The following LGALS8 variants were observed in gnomAD, a reference collection of about 807,000 sequenced individuals.
The protein encoded by LGALS8 is galectin 8.
In LGALS8, 30 loss-of-function variants were observed where a neutral mutation model predicts 35.9. The observed-to-expected ratio is 0.83, with a 90% CI of 0.62 to 1.13. LGALS8 has a LOEUF of 1.13. Among genes scored for constraint, LGALS8 ranks in the 50% most tolerant of loss-of-function variants. The probability of loss-of-function intolerance (pLI) is 0.00; values close to 1 mark genes in which losing one functional copy is unlikely to be tolerated. For synonymous variants in LGALS8, 138 were observed against 136.1 expected (o/e 1.01, Z -0.10); for missense variants, 366 against 388.7 (o/e 0.94, Z 0.49).
At chr1:236,533,599 G>A (rs76486051) in intron 2 of LGALS8, among the ~76,000 whole-genome samples, 3 of 151,414 alleles carry the variant, frequency 2.0e-5, no homozygotes, top group Non-Finnish European at 4.4e-5. Flanking sequence ...CTCCCAAAAT[G>A]CTGGGATTAC....
chr1:236,524,598 C>T (rs1011001004), intron 1 of LGALS8: 3 of 362,568 alleles, frequency 8.3e-6, no homozygotes, highest in East Asian at 7.5e-5. Flanking sequence ...TTTGACCGTA[C>T]GTGAAACTTA....
Position 236,526,249 on chromosome 1 carries a change from G to T in LGALS8, c.45+134G>T. The stretch of plus-strand genomic sequence containing the variant: ...AAAGCACCTACTATGTAATAGAGAT[G>T]GTGGTGGGTGCTGATTACAAAACAG... On this transcript the variant is annotated intron_variant, in intron 2 of 9. Transcript: ENST00000366584. The surrounding 1 kb of genome is among the most constrained non-coding windows in gnomAD (Gnocchi z 4.6). 1 of 593,996 alleles carries T rather than the reference G, an allele frequency of 1.7e-6. No individual in the cohort carries two copies. 36.8% of individuals were successfully genotyped at this position (593,996 alleles called of 1,614,324 possible).
rs761233488 is a variant in LGALS8 at position 236,544,839 on chromosome 1, C to G, written c.728C>G (p.Ser243Cys). ...RLNIKAFVRN[S>C]FLQESWGEEE... ...AATATTAAAGCATTTGTAAGAAATT[C>G]TTTTCTTCAGGAGTCCTGGGGAGAA... The change falls in exon 9 of 10, where the codon TCT becomes TGT. Residue 243 changes from serine (S) to cysteine (C), a missense_variant. By Grantham distance (112) the Ser-to-Cys change is moderately radical. Transcript: ENST00000366584. 1 of 1,613,334 alleles carries G rather than the reference C, an allele frequency of 6.2e-7. No individual in the cohort carries two copies. Among genetic ancestry groups the G allele is most frequent in the Non-Finnish European group, 8.5e-7 (1 of 1,179,418 alleles).
intron 2 of LGALS8, among the ~76,000 whole-genome samples, chr1:236,534,743 G>T (rs761928221): frequency 1.3e-5 from 2 of 152,154 alleles, no homozygotes; most frequent in African/African-American, 2.4e-5. Flanking sequence ...CCTATAAACA[G>T]TTGTGAACAA....
At position 236,550,526 on chromosome 1, in the gene LGALS8, ATG is replaced by A; in HGVS notation, c.*2367_*2368del. 1.1e-5 allele frequency: 2 copies of A among 175,346 alleles called. No individual in the cohort carries two copies. Among genetic ancestry groups the A allele is most frequent in the Non-Finnish European group, 2.4e-5 (2 of 83,918 alleles). The allele number at this position is 175,346 out of a possible 1,614,324, so 10.9% of individuals were successfully genotyped here. A position where few individuals can be genotyped will look rare whatever the true frequency, so the allele number is the denominator to read the frequency against. ...GAAATCTGCAACATGGATACCATGT[ATG>A]TAAGATACTGCTGTACAGAAGAGTT... On this transcript the variant is annotated 3_prime_UTR_variant, in exon 10 of 10. Transcript: ENST00000366584.
chr1:236,546,245 T>C (rs1048838572), intron 9 of LGALS8, among the ~76,000 whole-genome samples: 6 of 152,232 alleles, frequency 3.9e-5, no homozygotes, highest in African/African-American at 1.4e-4. Flanking sequence ...ATGAATGTTA[T>C]ATGCTTTTGA....
chr1:236,538,970 A>C lies in LGALS8; in HGVS notation c.226A>C (p.Ile76Leu). 1 of 1,614,160 alleles carries C rather than the reference A, an allele frequency of 6.2e-7. No individual in the cohort carries two copies. The highest frequency in any genetic ancestry group is 1.1e-5 in the South Asian group (1 of 91,084). Reference protein sequence around the residue: ...FNPRFKRAGCIVCNTLINEKW... With the variant: ...FNPRFKRAGCLVCNTLINEKW... The stretch of plus-strand genomic sequence containing the variant: ...TCCTCGTTTCAAAAGGGCCGGCTGC[A>C]TTGTTTGCAATACTTTGATAAATGA... The change falls in exon 4 of 10, where the codon ATT (isoleucine) becomes CTT (leucine). Residue 76 changes from isoleucine to leucine, a missense_variant. Ile to Leu is a conservative substitution (Grantham distance 5). Transcript: ENST00000366584.
intron 8 of LGALS8, 140 bp downstream of exon 8, chr1:236,543,788 G>A (rs769448403): frequency 2.6e-5 from 18 of 691,304 alleles, no homozygotes; most frequent in Middle Eastern, 3.8e-4. Context: ...CAAGCAGGAG[G>A]TGGTTAGATT....
chr1:236,546,128 C>A (rs1258495437), intron 9 of LGALS8, among the ~76,000 whole-genome samples: 3 of 152,100 alleles, frequency 2.0e-5, no homozygotes, highest in Admixed American at 1.3e-4. Flanking sequence ...GATGAAAATA[C>A]CTCCAACTTC....
intron 5 of LGALS8, 137 bp downstream of exon 5, chr1:236,540,820 G>C: frequency 1.1e-6 from 1 of 894,964 alleles, no homozygotes; most frequent in African/African-American, 1.7e-5. Context: ...TTTTGGAAGT[G>C]AACTGTTCAC....
chr1:236,540,541 C>G lies in LGALS8; in HGVS notation c.346-23C>G, dbSNP rs575624150. 4.7e-6 allele frequency: 7 copies of G among 1,495,582 alleles called. No individual in the cohort carries two copies. The Admixed American group carries it at 1.4e-4, about 30-fold the overall frequency. 92.6% of individuals were successfully genotyped at this position (1,495,582 alleles called of 1,614,324 possible). On this transcript the variant is annotated intron_variant, in intron 4 of 9. Transcript: ENST00000366584. ...TGTTTTTTTTTGGTGGCGGGGGGGG[C>G]TCTGTCTTCTGTATCTCTCTAGGTG...
intron 2 of LGALS8, among the ~76,000 whole-genome samples, chr1:236,534,760 A>C (rs1661365008): frequency 6.6e-6 from 1 of 152,208 alleles, no homozygotes; most frequent in Non-Finnish European, 1.5e-5. Context: ...ACAAGGTATT[A>C]GAAGTGATGG....
chr1:236,528,015 C>T (rs544435523), intron 2 of LGALS8, among the ~76,000 whole-genome samples: 5 of 151,810 alleles, frequency 3.3e-5, no homozygotes, highest in South Asian at 2.1e-4. Flanking sequence ...GGATTACAGG[C>T]GTGAGGCACC....
In LGALS8 at chr1:236,548,338, T is replaced by C. The variant is rs1286337934; in HGVS notation, c.*177T>C. 9.7e-6 allele frequency: 6 copies of C among 615,690 alleles called. No homozygotes were observed. Among genetic ancestry groups the C allele is most frequent in the African/African-American group, 1.9e-5 (1 of 54,006 alleles). The allele number at this position is 615,690 out of a possible 1,614,324, so 38.1% of individuals were successfully genotyped here. On this transcript the variant is annotated 3_prime_UTR_variant, in exon 10 of 10. Coordinates refer to ENST00000366584, the MANE Select transcript of LGALS8 (RefSeq NM_201544.4). ...CATGAAGTATGGTGGTGTCTAGCAC[T>C]GAATGGGGAAACTGGGGGCAGCAAC...
In LGALS8 at chr1:236,526,230, C is replaced by G; in HGVS notation, c.45+115C>G. On this transcript the variant is annotated intron_variant, in intron 2 of 9. Transcript: ENST00000366584. This position sits in a 1 kb window ranked among gnomAD's most constrained non-coding sequence, Gnocchi z 4.6. Reference sequence around the variant, plus strand: ...AAAGCCAGTGAACATATTTAAAGCACCTACTATGTAATAGAGATGGTGGTG... The same window carrying G: ...AAAGCCAGTGAACATATTTAAAGCAGCTACTATGTAATAGAGATGGTGGTG... 1 of 726,150 alleles carries G rather than the reference C, an allele frequency of 1.4e-6. No homozygotes were observed. The highest frequency in any genetic ancestry group is 2.3e-6 in the Non-Finnish European group (1 of 428,786). 45.0% of individuals were successfully genotyped at this position (726,150 alleles called of 1,614,324 possible).
chr1:236,551,165 C>T lies in LGALS8; in HGVS notation c.*3004C>T, dbSNP rs544814499. On this transcript the variant is annotated 3_prime_UTR_variant, in exon 10 of 10. Coordinates refer to ENST00000366584, the MANE Select transcript of LGALS8 (RefSeq NM_201544.4). Reference sequence around the variant, plus strand: ...ACGGACCGCCTCCCTCCACACCGCTCCTTCCGCCTTCATTCCTTGCCCACA... The same window carrying T: ...ACGGACCGCCTCCCTCCACACCGCTTCTTCCGCCTTCATTCCTTGCCCACA... The T allele has an allele frequency of 3.6e-6, 2 of 562,428 alleles. No homozygotes were observed. The highest frequency in any genetic ancestry group is 5.9e-5 in the East Asian group (2 of 33,746). The allele number at this position is 562,428 out of a possible 1,614,324, so 34.8% of individuals were successfully genotyped here.
intron 7 of LGALS8, 94 bp downstream of exon 7, chr1:236,542,881 T>C (rs192569896): frequency 1.9e-4 from 312 of 1,614,160 alleles, no homozygotes; most frequent in Admixed American, 1.3e-3. Flanking sequence ...GCTTCATTCA[T>C]TCCATTCCTT....
chr1:236,538,846 A>G (rs763119987), intron 3 of LGALS8, 33 bp from the exon 4 acceptor site: 1 of 1,538,712 alleles, frequency 6.5e-7, no homozygotes, highest in East Asian at 2.2e-5. Flanking sequence ...CTTTCTGAGC[A>G]CTCATGGGGC....
At chr1:236,543,310 TCATACAGAGGG>T in intron 7 of LGALS8, 1 of 652,252 alleles carries the variant, frequency 1.5e-6, no homozygotes, top group Admixed American at 2.2e-5. Context: ...CGTGTTTCAC[TCATACAGAGGG>T]CATCGGGTCC....
Sources: gnomAD v4.1 joint callset for allele counts (sites outside exome capture counted in the v4.1 genomes callset) on GRCh38, gnomAD v4.1.1 for gene constraint, Gnocchi (gnomAD v3.1) non-coding constraint, MANE v1.5 for transcripts, NCBI Gene and HGNC (gene_info 2026-07-23, HGNC 2026-07-21) for gene names.